UBASH3B: variants seen among roughly 807,000 people sequenced by gnomAD.
The protein encoded by UBASH3B is ubiquitin associated and SH3 domain containing B.
In UBASH3B, 37 loss-of-function variants were observed where a neutral mutation model predicts 83.4. That is an observed-to-expected ratio of 0.44 (90% CI 0.34 to 0.58). The LOEUF is 0.58. UBASH3B is among the 20% of genes least tolerant of loss of function. The pLI, the probability that UBASH3B is intolerant of heterozygous loss-of-function variation, is 0.01. For missense variants in UBASH3B, 657 were observed against 827.2 expected, an observed-to-expected ratio of 0.79 and a Z score of 2.52; for synonymous variants, 304 against 318.3, an observed-to-expected ratio of 0.96 and a Z score of 0.48.
At chr11:122,787,239 T>C (rs1860971717) in intron 5 of UBASH3B, among the ~76,000 whole-genome samples, 1 of 152,212 alleles carries the variant, frequency 6.6e-6, no homozygotes, top group African/African-American at 2.4e-5. Flanking sequence ...TTATGAGATT[T>C]CGCGTGAATT....
At chr11:122,804,842 T>C (rs1455796701) in intron 11 of UBASH3B, among the ~76,000 whole-genome samples, 1 of 151,860 alleles carries the variant, frequency 6.6e-6, no homozygotes, top group African/African-American at 2.4e-5. Flanking sequence ...AATAAGAAAA[T>C]TGAAATGACA....
intron 1 of UBASH3B, among the ~76,000 whole-genome samples, chr11:122,729,180 C>G (rs1436515872): frequency 6.6e-6 from 1 of 152,186 alleles, no homozygotes; most frequent in African/African-American, 2.4e-5. Flanking sequence ...ACTAGGACTG[C>G]GGAGTGAGTA....
At chr11:122,692,087 C>G (rs1233245334) in intron 1 of UBASH3B, among the ~76,000 whole-genome samples, 1 of 152,122 alleles carries the variant, frequency 6.6e-6, no homozygotes, top group Non-Finnish European at 1.5e-5. Flanking sequence ...TTTAATCTCC[C>G]TAAGCCTAAG....
intron 1 of UBASH3B, among the ~76,000 whole-genome samples, chr11:122,761,693 G>A (rs966178528): frequency 2.6e-5 from 4 of 151,752 alleles, no homozygotes; most frequent in African/African-American, 9.7e-5. Context: ...GAGAAAAGGG[G>A]GTGGAAATAA....
At chr11:122,726,090 CA>C (rs1250364442) in intron 1 of UBASH3B, 1 of 152,190 alleles carries the variant, frequency 6.6e-6, no homozygotes, top group Admixed American at 6.5e-5. Context: ...GGAAGGTTTA[CA>C]CACAAGTTTG....
intron 1 of UBASH3B, among the ~76,000 whole-genome samples, chr11:122,700,763 C>T (rs1864032206): frequency 6.6e-6 from 1 of 152,146 alleles, no homozygotes; most frequent in African/African-American, 2.4e-5. Flanking sequence ...TCCCAAAGCG[C>T]TGGGAATATA....
chr11:122,782,080 G>A (rs1468457642), intron 4 of UBASH3B, among the ~76,000 whole-genome samples: 2 of 151,950 alleles, frequency 1.3e-5, no homozygotes, highest in African/African-American at 4.8e-5. Flanking sequence ...CTCCCTCATT[G>A]TAAATACAAA....
At chr11:122,664,606 G>C (rs1863489389) in intron 1 of UBASH3B, among the ~76,000 whole-genome samples, 1 of 152,138 alleles carries the variant, frequency 6.6e-6, no homozygotes, top group African/African-American at 2.4e-5. Context: ...CCTCTGCCCG[G>C]GGCCCTCGGT....
At chr11:122,803,012 T>A (rs1215950680) in intron 11 of UBASH3B, among the ~76,000 whole-genome samples, 2 of 152,186 alleles carry the variant, frequency 1.3e-5, no homozygotes, top group Non-Finnish European at 2.9e-5. Flanking sequence ...AGAATCGTCC[T>A]ACCTGAGCCT....
intron 1 of UBASH3B, among the ~76,000 whole-genome samples, chr11:122,714,243 C>T (rs74533463): frequency 0.017 from 2,576 of 152,284 alleles, 74 homozygotes; most frequent in African/African-American, 0.058. Context: ...AGATACTGGA[C>T]AGCCAAAACA....
chr11:122,798,759 A>G (rs1419716903), intron 9 of UBASH3B, among the ~76,000 whole-genome samples, 183 bp from the exon 10 acceptor site: 1 of 151,310 alleles, frequency 6.6e-6, no homozygotes, highest in African/African-American at 2.4e-5. Flanking sequence ...GCTTGCTCTC[A>G]TAGGAACGCC....
At chr11:122,690,854 T>C (rs148727230) in intron 1 of UBASH3B, among the ~76,000 whole-genome samples, 3 of 152,310 alleles carry the variant, frequency 2.0e-5, no homozygotes, top group East Asian at 1.9e-4. Flanking sequence ...GTCAGACTTG[T>C]CATCTTGCGC....
intron 1 of UBASH3B, among the ~76,000 whole-genome samples, chr11:122,707,092 G>C (rs557368984): frequency 2.5e-3 from 374 of 152,150 alleles, no homozygotes; most frequent in Admixed American, 4.6e-3. Flanking sequence ...ATTGATCATG[G>C]GGATTTCAGA....
chr11:122,756,383 A>G (rs763364183), intron 1 of UBASH3B, among the ~76,000 whole-genome samples: 21 of 152,298 alleles, frequency 1.4e-4, no homozygotes, highest in Non-Finnish European at 2.5e-4. Flanking sequence ...GCCTGCCCTG[A>G]GGATTAAATA....
chr11:122,789,112 A>G lies in UBASH3B; in HGVS notation c.784A>G (p.Ile262Val), dbSNP rs1861006255. ...CTTCCTTTTCCAGACATTACAGGTC[A>G]TCTACCCCTATACCCCACAAAATGA... ...RFANHETLQVIYPYTPQNDDE... is the reference protein window; with the variant it reads ...RFANHETLQVVYPYTPQNDDE... The change falls in exon 6 of 14, where the codon ATC (isoleucine) becomes GTC (valine). Residue 262 changes from isoleucine to valine, a missense_variant. This residue lies in a region of UBASH3B where 573 missense variants were observed against 739.0 expected (regional missense o/e 0.78). Coordinates refer to ENST00000284273, the MANE Select transcript of UBASH3B (RefSeq NM_032873.5). 1 of 1,612,814 alleles carries G rather than the reference A, an allele frequency of 6.2e-7. No individual in the cohort carries two copies.
chr11:122,774,240 G>A (rs1860695658), intron 1 of UBASH3B: 1 of 985,392 alleles, frequency 1.0e-6, no homozygotes, highest in Non-Finnish European at 1.2e-6. Flanking sequence ...GGTCTGTCTT[G>A]CTTCTCCGTA....
chr11:122,740,044 C>T (rs532694654), intron 1 of UBASH3B, among the ~76,000 whole-genome samples: 2 of 152,282 alleles, frequency 1.3e-5, no homozygotes, highest in East Asian at 1.9e-4. Context: ...CTGACATCCT[C>T]GCAGATGCCA....
chr11:122,755,882 T>A (rs1861275094), intron 1 of UBASH3B, among the ~76,000 whole-genome samples: 1 of 152,228 alleles, frequency 6.6e-6, no homozygotes, highest in South Asian at 2.1e-4. Context: ...TACTCACTGA[T>A]TAATTTGATT....
At chr11:122,707,347 C>T (rs1472880682) in intron 1 of UBASH3B, among the ~76,000 whole-genome samples, 1 of 152,056 alleles carries the variant, frequency 6.6e-6, no homozygotes, top group Non-Finnish European at 1.5e-5. Flanking sequence ...GAGTGGTAAC[C>T]TTTTCCTAAC....
Sources: gnomAD v4.1 joint callset for allele counts (sites outside exome capture counted in the v4.1 genomes callset) on GRCh38, gnomAD v4.1.1 for gene constraint, gnomAD v4.1.1 regional missense constraint, MANE v1.5 for transcripts, NCBI Gene and HGNC (gene_info 2026-07-23, HGNC 2026-07-21) for gene names.